The following CBLN2 variants were observed in gnomAD, a reference collection of about 807,000 sequenced individuals.
CBLN2 encodes the protein cerebellin 2 precursor, also known as cerebellin-2.
Under a neutral mutation model 15.0 loss-of-function variants are expected in CBLN2, and 7 were observed. The ratio of observed to expected loss-of-function variants is 0.47; its 90% CI spans 0.27 to 0.88. The LOEUF is 0.88. Ranked by LOEUF, CBLN2 falls within the 40% of genes least tolerant of loss-of-function variation. The probability of loss-of-function intolerance (pLI) is 0.14; values close to 1 mark genes in which losing one functional copy is unlikely to be tolerated. For synonymous variants in CBLN2, 149 were observed against 135.2 expected, an observed-to-expected ratio of 1.10 and a Z score of -0.71; for missense variants, 242 against 304.5, an observed-to-expected ratio of 0.79 and a Z score of 1.53.
intron 1 of CBLN2, among the ~76,000 whole-genome samples, chr18:72,550,436 A>G (rs2069184789): frequency 6.6e-6 from 1 of 152,222 alleles, no homozygotes; most frequent in Non-Finnish European, 1.5e-5. Flanking sequence ...GCTGATAGCA[A>G]TCAGTGCTGA....
At chr18:72,618,605 A>G (rs1439426574) in intron 1 of CBLN2, 17 of 960,010 alleles carry the variant, frequency 1.8e-5, no homozygotes, top group Non-Finnish European at 2.8e-5. Flanking sequence ...GGCATTAAAG[A>G]AGACACTGAA....
upstream of CBLN2, among the ~76,000 whole-genome samples, chr18:72,546,680 T>G (rs900327398): frequency 2.0e-5 from 3 of 152,116 alleles, no homozygotes; most frequent in African/African-American, 7.2e-5. Context: ...CTGTGGTGTG[T>G]GAGATATTGC....
chr18:72,558,620 T>A (rs917308461), intron 1 of CBLN2, among the ~76,000 whole-genome samples: 1 of 152,224 alleles, frequency 6.6e-6, no homozygotes, highest in South Asian at 2.1e-4. Flanking sequence ...GTGACAATAC[T>A]GCTTTTTGTA....
At chr18:72,622,318 T>C (rs1335652211) in intron 1 of CBLN2, among the ~76,000 whole-genome samples, 1 of 151,970 alleles carries the variant, frequency 6.6e-6, no homozygotes, top group African/African-American at 2.4e-5. Context: ...GCTTGGAATG[T>C]CATATTTGAG....
chr18:72,578,409 C>T (rs139190788), intron 1 of CBLN2, among the ~76,000 whole-genome samples: 6 of 152,136 alleles, frequency 3.9e-5, no homozygotes, highest in African/African-American at 7.2e-5. Context: ...ACACCACCAC[C>T]GCAGAATAGT....
intron 1 of CBLN2, among the ~76,000 whole-genome samples, chr18:72,586,085 C>A (rs72634451): frequency 1.3e-5 from 2 of 152,048 alleles, no homozygotes; most frequent in African/African-American, 4.8e-5. Context: ...CCTGGGAGGG[C>A]GGGGCTCCCA....
intron 1 of CBLN2, among the ~76,000 whole-genome samples, chr18:72,576,928 G>T (rs1261568522): frequency 6.8e-6 from 1 of 147,014 alleles, no homozygotes; most frequent in East Asian, 2.0e-4. Flanking sequence ...TTTCATTCTA[G>T]AATTTTATAT....
At chr18:72,616,846 G>A (rs1430580085) in intron 1 of CBLN2, among the ~76,000 whole-genome samples, 2 of 152,118 alleles carry the variant, frequency 1.3e-5, no homozygotes, top group African/African-American at 4.8e-5. Flanking sequence ...ACCCACTGCT[G>A]AATTTCTGTG....
intron 1 of CBLN2, among the ~76,000 whole-genome samples, chr18:72,610,471 C>T (rs1251274784): frequency 6.6e-6 from 1 of 152,096 alleles, no homozygotes. Context: ...TTTCACTGCT[C>T]TGATACTACA....
intron 1 of CBLN2, among the ~76,000 whole-genome samples, chr18:72,636,376 G>A (rs1011571889): frequency 6.6e-6 from 1 of 152,174 alleles, no homozygotes; most frequent in Non-Finnish European, 1.5e-5. Context: ...CCAATAAAAT[G>A]ATAAATGAAA....
intron 3 of CBLN2, 166 bp from the exon 4 acceptor site, chr18:72,538,938 T>C (rs779091718): frequency 5.6e-6 from 4 of 712,246 alleles, no homozygotes; most frequent in Non-Finnish European, 9.0e-6. Flanking sequence ...AGTGCTGAAG[T>C]TAAAAGATCC....
intron 1 of CBLN2, among the ~76,000 whole-genome samples, chr18:72,624,502 T>C (rs1048360101): frequency 6.6e-6 from 1 of 151,948 alleles, no homozygotes. Context: ...TATCTAGGGG[T>C]GGTGGCACAT....
intron 1 of CBLN2, among the ~76,000 whole-genome samples, chr18:72,568,597 AAT>A (rs1479536290): frequency 6.6e-6 from 1 of 152,156 alleles, no homozygotes; most frequent in Non-Finnish European, 1.5e-5. Context: ...AAACTAAAAA[AAT>A]AAAATATTAA....
chr18:72,565,811 T>C (rs954359162), intron 1 of CBLN2, among the ~76,000 whole-genome samples: 2 of 152,028 alleles, frequency 1.3e-5, no homozygotes, highest in Admixed American at 1.3e-4. Flanking sequence ...AAATAGACAA[T>C]TAAATTTACA....
At chr18:72,609,921 T>G (rs1000136102) in intron 1 of CBLN2, among the ~76,000 whole-genome samples, 1 of 152,176 alleles carries the variant, frequency 6.6e-6, no homozygotes, top group African/African-American at 2.4e-5. Flanking sequence ...GGGGATGGTA[T>G]TCCCTGGGTT....
intron 1 of CBLN2, chr18:72,619,115 C>A: frequency 2.7e-6 from 2 of 744,550 alleles, no homozygotes; most frequent in Admixed American, 1.7e-5. Context: ...GAGGCAGAAG[C>A]TCTGGCCCCT....
intron 1 of CBLN2, among the ~76,000 whole-genome samples, chr18:72,573,002 T>C (rs974154917): frequency 3.9e-5 from 6 of 152,178 alleles, no homozygotes; most frequent in Admixed American, 2.6e-4. Flanking sequence ...CTCTAAAAGG[T>C]AGTTCAAAGA....
chr18:72,556,890 A>G (rs1228666113), intron 1 of CBLN2, among the ~76,000 whole-genome samples: 1 of 152,194 alleles, frequency 6.6e-6, no homozygotes, highest in African/African-American at 2.4e-5. Flanking sequence ...ACAGAGTAAT[A>G]GCTAAGGATC....
intron 1 of CBLN2, among the ~76,000 whole-genome samples, chr18:72,609,242 T>A (rs1030793856): frequency 1.8e-4 from 28 of 152,168 alleles, no homozygotes; most frequent in African/African-American, 6.8e-4. Context: ...CTCCCATAAT[T>A]TATATGTTGT....
Sources: allele counts gnomAD v4.1 joint callset (sites outside exome capture counted in the v4.1 genomes callset), GRCh38; gene constraint gnomAD v4.1.1; transcripts MANE v1.5; gene names NCBI Gene and HGNC (gene_info 2026-07-23, HGNC 2026-07-21).